KLKB1: variants seen among roughly 807,000 people sequenced by gnomAD.
The protein encoded by KLKB1 is kallikrein B1.
In KLKB1, 58 loss-of-function variants were observed where a neutral mutation model predicts 73.6. That is an observed-to-expected ratio of 0.79 (90% CI 0.64 to 0.98). The LOEUF is 0.98. Among genes scored for constraint, KLKB1 ranks in the 50% least tolerant of loss-of-function variants. KLKB1 has a pLI of 0.00. For synonymous variants in KLKB1, 280 were observed against 258.1 expected (o/e 1.08, Z -0.81); for missense variants, 737 against 763.8 (o/e 0.96, Z 0.41).
intron 2 of KLKB1, among the ~76,000 whole-genome samples, chr4:186,219,031 C>A (rs920766638): frequency 6.6e-6 from 1 of 152,172 alleles, no homozygotes; most frequent in Non-Finnish European, 1.5e-5. Context: ...TGTTCAAGGG[C>A]AGGAAACATC....
chr4:186,219,548 A>T (rs894269983), intron 2 of KLKB1, among the ~76,000 whole-genome samples: 20 of 152,236 alleles, frequency 1.3e-4, no homozygotes, highest in African/African-American at 4.8e-4. Context: ...ATATTTTCTT[A>T]GTACAAGTGT....
intron 6 of KLKB1, among the ~76,000 whole-genome samples, chr4:186,248,315 G>A (rs2203111): frequency 0.11 from 16,557 of 150,768 alleles, 985 homozygotes; most frequent in South Asian, 0.21. Context: ...CCCATTGGCC[G>A]TCTTTCTCCA....
chr4:186,251,861 G>A lies in KLKB1; in HGVS notation c.1144G>A (p.Val382Ile). The A allele has an allele frequency of 6.2e-7, 1 of 1,609,256 alleles. No individual in the cohort carries two copies. The highest frequency in any genetic ancestry group is 8.5e-7 in the Non-Finnish European group (1 of 1,176,056). ...LRLCNTGDNS[V>I]CTTKTSTRIV... ...ATTGTGTAACACTGGGGACAACTCT[G>A]GTGAGTAACCTCACTTTTTCGTGGA... The change falls in exon 10 of 15, where the codon GTC becomes ATC. Residue 382 changes from valine to isoleucine, a missense_variant and splice_region_variant. Transcript: ENST00000264690.
chr4:186,215,558 CATTTATTTATTT>C (rs1313226492), intron 2 of KLKB1, among the ~76,000 whole-genome samples: 2 of 151,686 alleles, frequency 1.3e-5, no homozygotes, highest in African/African-American at 4.8e-5. Flanking sequence ...TAAATTAAGA[CATTTATTTATTT>C]ATTTATTTAT....
intron 6 of KLKB1, among the ~76,000 whole-genome samples, chr4:186,244,105 G>A (rs767173025): frequency 9.9e-5 from 15 of 152,136 alleles, no homozygotes; most frequent in Non-Finnish European, 1.8e-4. Flanking sequence ...CCTGCACTTC[G>A]GCTGTGTGTA....
At chr4:186,220,039 T>C (rs1736998782) in intron 2 of KLKB1, among the ~76,000 whole-genome samples, 1 of 152,108 alleles carries the variant, frequency 6.6e-6, no homozygotes, top group African/African-American at 2.4e-5. Context: ...TCCAGTTTAA[T>C]GGAATCCTTG....
intron 11 of KLKB1, among the ~76,000 whole-genome samples, chr4:186,253,531 A>G (rs1325164369): frequency 6.6e-6 from 1 of 152,138 alleles, no homozygotes; most frequent in African/African-American, 2.4e-5. Flanking sequence ...GGGACCAAAA[A>G]TTTTCATTCT....
intron 11 of KLKB1, among the ~76,000 whole-genome samples, chr4:186,252,725 C>T (rs945310644): frequency 5.4e-5 from 8 of 148,970 alleles, no homozygotes; most frequent in South Asian, 2.2e-4. Context: ...CCACCGATCC[C>T]GCCACCAACC....
chr4:186,241,691 A>T (rs560752178), intron 6 of KLKB1, among the ~76,000 whole-genome samples: 2 of 152,342 alleles, frequency 1.3e-5, no homozygotes, highest in African/African-American at 4.8e-5. Flanking sequence ...TTGGAAAAAA[A>T]AGGTTTTTTT....
intron 2 of KLKB1, among the ~76,000 whole-genome samples, chr4:186,216,473 G>T (rs1181830273): frequency 6.6e-6 from 1 of 152,160 alleles, no homozygotes; most frequent in South Asian, 2.1e-4. Context: ...GAGATGGAAG[G>T]TGCCTTTTCA....
At chr4:186,225,705 A>T (rs1737147149), upstream of KLKB1, among the ~76,000 whole-genome samples, 1 of 152,096 alleles carries the variant, frequency 6.6e-6, no homozygotes, top group South Asian at 2.1e-4. Flanking sequence ...AAGTGCTGGG[A>T]TTACAGGCAT....
chr4:186,246,429 G>A (rs560706955), intron 6 of KLKB1, among the ~76,000 whole-genome samples: 8 of 152,302 alleles, frequency 5.3e-5, no homozygotes, highest in African/African-American at 1.2e-4. Flanking sequence ...TGGACGTCAG[G>A]CACCTCAGAC....
chr4:186,250,745 A>G (rs1738623806), intron 7 of KLKB1, among the ~76,000 whole-genome samples: 1 of 152,182 alleles, frequency 6.6e-6, no homozygotes, highest in Non-Finnish European at 1.5e-5. Context: ...ACTTGCTGGC[A>G]ATATAGCCCT....
chr4:186,255,151 A>C (rs1375704165), intron 12 of KLKB1, among the ~76,000 whole-genome samples: 1 of 152,168 alleles, frequency 6.6e-6, no homozygotes, highest in Non-Finnish European at 1.5e-5. Context: ...TCCAGGTATA[A>C]TTTGGGTAGG....
rs938751215 is a variant in KLKB1, at chr4:186,252,114, T to C, written c.1242T>C (p.Ala414=). The C allele has an allele frequency of 2.5e-6, 4 of 1,613,948 alleles. No homozygotes were observed. The African/African-American group carries it at 5.3e-5, about 22-fold the overall frequency. The part of the protein sequence containing the change: ...WQVSLQVKLT[A]QRHLCGGSLI... The stretch of plus-strand genomic sequence containing the variant: ...TGAGCCTGCAGGTGAAGCTGACAGC[T>C]CAGAGGCACCTGTGTGGAGGGTCAC... The change falls in exon 11 of 15, where the codon GCT becomes GCC. Residue 414 remains alanine, a synonymous_variant. Transcript: ENST00000264690.
chr4:186,238,033 G>A (rs1032679434), intron 5 of KLKB1, among the ~76,000 whole-genome samples: 9 of 152,092 alleles, frequency 5.9e-5, no homozygotes, highest in African/African-American at 2.2e-4. Flanking sequence ...TATAGAATGA[G>A]GGTTTAGTGT....
rs933630979 is a variant in KLKB1 at position 186,251,473 on chromosome 4, T to C, written c.869-14T>C. ...TTCCCATCTGATATCTTTTTGTGTT[T>C]ATAATTGACACAGAACCCTGCCATT... On this transcript the variant is annotated splice_polypyrimidine_tract_variant and intron_variant, in intron 8 of 14. Transcript: ENST00000264690. The C allele has an allele frequency of 1.2e-6, 2 of 1,612,410 alleles. No individual in the cohort carries two copies. The highest frequency in any genetic ancestry group is 1.3e-5 in the African/African-American group (1 of 74,894).
intron 6 of KLKB1, among the ~76,000 whole-genome samples, chr4:186,240,004 A>G (rs1397026665): frequency 6.7e-6 from 1 of 150,322 alleles, no homozygotes; most frequent in African/African-American, 2.4e-5. Flanking sequence ...TGATATTGTT[A>G]TAGTTATAGG....
chr4:186,210,858 G>A (rs1013362757), intron 2 of KLKB1: 17 of 526,214 alleles, frequency 3.2e-5, no homozygotes, highest in African/African-American at 7.9e-5. Context: ...TTTTGAAACC[G>A]TGTCTCACTC....
Sources: gnomAD v4.1 joint callset for allele counts (sites outside exome capture counted in the v4.1 genomes callset) on GRCh38, gnomAD v4.1.1 for gene constraint, MANE v1.5 for transcripts, NCBI Gene and HGNC (gene_info 2026-07-23, HGNC 2026-07-21) for gene names.